Variants in GCG observed in about 807,000 individuals in gnomAD.
The protein encoded by GCG is pro-glucagon.
A neutral mutation model predicts 22.8 loss-of-function variants in GCG; 11 were observed. The ratio of observed to expected loss-of-function variants is 0.48; its 90% confidence interval spans 0.30 to 0.80. The LOEUF is 0.80. Among genes scored for constraint, GCG ranks in the 30% least tolerant of loss-of-function variants. The pLI is 0.06. For synonymous variants in GCG, 89 were observed against 72.4 expected (o/e 1.23, Z -1.16); for missense variants, 222 against 222.0 (o/e 1.00, Z 0.00).
At chr2:162,150,383 A>G (rs1307581406) in intron 1 of GCG, among the ~76,000 whole-genome samples, 1 of 152,148 alleles carries the variant, frequency 6.6e-6, no homozygotes, top group Non-Finnish European at 1.5e-5. Flanking sequence ...TCCTTAATAT[A>G]TTAGCTGTAT....
chr2:162,151,047 A>C (rs967107055), intron 1 of GCG, among the ~76,000 whole-genome samples: 1 of 152,150 alleles, frequency 6.6e-6, no homozygotes, highest in African/African-American at 2.4e-5. Context: ...GTTTGAATAC[A>C]ATTGCTGAGA....
In GCG at chr2:162,151,173, A is replaced by G. The variant is rs911665988; in HGVS notation, c.-10+985T>C. On this transcript the variant is annotated intron_variant, in intron 1 of 5. Transcript: ENST00000418842. ...GAGAGCCTGCAGTTTTGTAAGAACT[A>G]CAAATTTCCACTAAAATTTAAAGGA... 9.9e-5 allele frequency among the ~76,000 whole-genome samples: 15 copies of G among 152,106 alleles called. No individual in the cohort carries two copies. In the East Asian group the frequency reaches 2.3e-3, roughly 23 times the overall value.
chr2:162,144,611 T>G (rs1289291987), intron 4 of GCG: 1 of 154,368 alleles, frequency 6.5e-6, no homozygotes, highest in Non-Finnish European at 1.4e-5. Context: ...GCAGAATTTT[T>G]GGTATCCCTT....
rs745577624 is a variant in GCG at position 162,145,552 on chromosome 2, C to T, written c.380G>A (p.Arg127Gln). 11 of 1,608,402 alleles carry T rather than the reference C, an allele frequency of 6.8e-6. No homozygotes were observed. The highest frequency in any genetic ancestry group is 2.2e-5 in the East Asian group (1 of 44,756). Residue 127 changes from arginine (R) to glutamine (Q), a missense_variant, in exon 4 of 6, where the codon CGA (arginine) becomes CAA (glutamine). Physicochemically the swap from Arg to Gln is conservative, Grantham distance 43 (BLOSUM62 1). Coordinates refer to ENST00000418842, the MANE Select transcript of GCG (RefSeq NM_002054.5). ...TGTACAGACTTACTCTCGCCTTCCT[C>T]GGCCTTTCACCAGCCAAGCAATGAA... ...KEFIAWLVKG[R>Q]GRRDFPEEVA... is the part of the protein sequence containing the mutation.
At chr2:162,144,233 G>C in intron 4 of GCG, 63 bp from the exon 5 acceptor site, 1 of 1,243,822 alleles carries the variant, frequency 8.0e-7, no homozygotes, top group Non-Finnish European at 1.2e-6. Context: ...ATCACAGATT[G>C]TCTACCACTG....
chr2:162,149,508 A>C (rs1239123311), intron 1 of GCG, among the ~76,000 whole-genome samples: 1 of 152,138 alleles, frequency 6.6e-6, no homozygotes, highest in African/African-American at 2.4e-5. Context: ...ATCAACATTT[A>C]AAATACCCAC....
chr2:162,147,627 A>G (rs773636096), intron 2 of GCG, 113 bp from the exon 3 acceptor site: 11 of 910,040 alleles, frequency 1.2e-5, no homozygotes, highest in Admixed American at 5.1e-5. Context: ...GCAGGCATCT[A>G]GAGTATTTCA....
At chr2:162,144,316 T>A (rs1686626963) in intron 4 of GCG, 146 bp from the exon 5 acceptor site, 1 of 646,186 alleles carries the variant, frequency 1.5e-6, no homozygotes, top group African/African-American at 1.8e-5. Context: ...AAATACCTGA[T>A]AAAAACCCAT....
chr2:162,150,117 G>A (rs529606453), intron 1 of GCG, among the ~76,000 whole-genome samples: 4 of 152,176 alleles, frequency 2.6e-5, no homozygotes, highest in South Asian at 4.2e-4. Context: ...ACGGGGACTG[G>A]GACCAACATG....
rs142968963 is a variant in GCG at position 162,147,048 on chromosome 2, C to T, written c.254+305G>A. Among the ~76,000 whole-genome samples, 71 of 152,140 alleles carry T rather than the reference C, an allele frequency of 4.7e-4. No individual in the cohort carries two copies. The East Asian group carries it at 0.012, about 25-fold the overall frequency. ...AATTAGATTGGTAACCTCGTAGGTC[C>T]ACAAAAGTAAACTTTCACTTTAAGG... On this transcript the variant is annotated intron_variant, in intron 3 of 5. Coordinates refer to ENST00000418842, the MANE Select transcript of GCG (RefSeq NM_002054.5).
chr2:162,147,290 G>A (rs1686712232), intron 3 of GCG, 63 bp downstream of exon 3: 1 of 1,220,178 alleles, frequency 8.2e-7, no homozygotes, highest in East Asian at 2.3e-5. Context: ...ATAATGTCAA[G>A]AGAAATTTTA....
chr2:162,146,056 C>G (rs1179503538), intron 3 of GCG, among the ~76,000 whole-genome samples: 2 of 152,128 alleles, frequency 1.3e-5, no homozygotes, highest in Non-Finnish European at 2.9e-5. Context: ...AGTATGGGGT[C>G]AGAGTTAGTT....
chr2:162,148,968 T>C (rs1057234526), intron 2 of GCG, 119 bp downstream of exon 2: 20 of 647,820 alleles, frequency 3.1e-5, no homozygotes, highest in Middle Eastern at 2.9e-4. Flanking sequence ...ACTTTAAACA[T>C]TTGATCATTG....
chr2:162,147,722 C>A, intron 2 of GCG: 1 of 608,040 alleles, frequency 1.6e-6, no homozygotes. Flanking sequence ...ATTCTGAATT[C>A]TAGAAACATG....
chr2:162,145,362 T>G, intron 4 of GCG, 178 bp downstream of exon 4: 1 of 525,618 alleles, frequency 1.9e-6, no homozygotes, highest in Non-Finnish European at 3.2e-6. Flanking sequence ...TATTAATACT[T>G]AGTACCAAAA....
At position 162,143,324 on chromosome 2, in the gene GCG, GC is replaced by G; in HGVS notation, c.*39del. The G allele has an allele frequency of 8.4e-7, 1 of 1,186,454 alleles. No individual in the cohort carries two copies. Among genetic ancestry groups the G allele is most frequent in the Non-Finnish European group, 1.2e-6 (1 of 846,762 alleles). 73.5% of individuals were successfully genotyped at this position (1,186,454 alleles called of 1,614,324 possible). On this transcript the variant is annotated 3_prime_UTR_variant, in exon 6 of 6. Coordinates refer to ENST00000418842, the MANE Select transcript of GCG (RefSeq NM_002054.5). ...ACATTTCAAACATCCCACGTGGCTAGCAGGTGATGTTGTGAAGATGATCTTG... is the reference window on the plus strand; with the variant it reads ...ACATTTCAAACATCCCACGTGGCTAGAGGTGATGTTGTGAAGATGATCTTG...
intron 4 of GCG, chr2:162,145,254 C>T (rs535501819): frequency 1.9e-4 from 50 of 261,166 alleles, no homozygotes; most frequent in Non-Finnish European, 3.4e-4. Flanking sequence ...TTAAAAACAT[C>T]CTATTTACTC....
chr2:162,146,812 G>A (rs975502020), intron 3 of GCG, among the ~76,000 whole-genome samples: 1 of 152,074 alleles, frequency 6.6e-6, no homozygotes, highest in African/African-American at 2.4e-5. Context: ...ACATTAAAAT[G>A]TATGCCTTAC....
At chr2:162,147,599 A>G in intron 2 of GCG, 85 bp from the exon 3 acceptor site, 1 of 1,146,264 alleles carries the variant, frequency 8.7e-7, no homozygotes. Flanking sequence ...AAAATACAAG[A>G]CCATATAAAA....
Sources: gnomAD v4.1 joint callset for allele counts (sites outside exome capture counted in the v4.1 genomes callset) on GRCh38, gnomAD v4.1.1 for gene constraint, MANE v1.5 for transcripts, NCBI Gene and HGNC (gene_info 2026-07-23, HGNC 2026-07-21) for gene names.